SNX8: variants seen among roughly 807,000 people sequenced by gnomAD.
SNX8 encodes sorting nexin-8.
In SNX8, 25 loss-of-function variants were observed where a neutral mutation model predicts 51.6. The ratio of observed to expected loss-of-function variants is 0.48; its 90% CI spans 0.35 to 0.68. The LOEUF is 0.68. Ranked by LOEUF, SNX8 falls within the 30% of genes least tolerant of loss-of-function variation. The probability of loss-of-function intolerance (pLI) is 0.00; values close to 1 mark genes in which losing one functional copy is unlikely to be tolerated. For synonymous variants in SNX8, 324 were observed against 277.0 expected (o/e 1.17, Z -1.68); for missense variants, 695 against 624.0 (o/e 1.11, Z -1.21).
chr7:2,354,066 G>C (rs546154612), intron 1 of SNX8: 1 of 152,686 alleles, frequency 6.5e-6, no homozygotes, highest in East Asian at 1.9e-4. Context: ...CACGCGGCGA[G>C]GACCCGCCCC....
chr7:2,256,080 C>G (rs1032135633), intron 10 of SNX8, among the ~76,000 whole-genome samples: 4 of 152,244 alleles, frequency 2.6e-5, no homozygotes, highest in African/African-American at 9.6e-5. Context: ...TCACTGAGGA[C>G]ACACCCGGCC....
In SNX8 at chr7:2,275,111, C is replaced by T; in HGVS notation, c.418+1G>A. ...CCGGTGGGCAGCACGCCTGGCTTTA[C>T]CTCCCAGCATTCTCTTGGGTGGCAG... On this transcript the variant is annotated splice_donor_variant, in intron 3 of 10. Coordinates refer to ENST00000222990, the MANE Select transcript of SNX8 (RefSeq NM_013321.4). LOFTEE classifies it high-confidence loss of function. The T allele has an allele frequency of 6.2e-7, 1 of 1,607,230 alleles. No individual in the cohort carries two copies. Among genetic ancestry groups the T allele is most frequent in the Non-Finnish European group, 8.5e-7 (1 of 1,173,760 alleles).
At chr7:2,322,566 C>T (rs192539511) in intron 1 of SNX8, among the ~76,000 whole-genome samples, 13 of 152,134 alleles carry the variant, frequency 8.5e-5, no homozygotes, top group African/African-American at 2.7e-4. Flanking sequence ...TGGTGGCGCA[C>T]GCCTGTAATC....
upstream of SNX8, among the ~76,000 whole-genome samples, chr7:2,319,161 A>T (rs1002464980): frequency 7.3e-5 from 11 of 150,030 alleles, no homozygotes; most frequent in African/African-American, 2.7e-4. Context: ...CAACACAGGG[A>T]AACTCCGTCT....
At chr7:2,257,674 G>A (rs1261786840) in intron 8 of SNX8, 61 bp downstream of exon 8, 2 of 1,589,984 alleles carry the variant, frequency 1.3e-6, no homozygotes, top group East Asian at 2.2e-5. Flanking sequence ...TTAGACCCTT[G>A]AAGGATCCTA....
chr7:2,255,191 C>T (rs1414606520), intron 10 of SNX8, 22 bp from the exon 11 acceptor site: 2 of 1,452,730 alleles, frequency 1.4e-6, no homozygotes, highest in African/African-American at 2.8e-5. Flanking sequence ...GCGAAGAGAA[C>T]AAGATCAGCA....
rs1312250806 is a variant in SNX8 at position 2,251,883 on chromosome 7, T to C, written c.*3173A>G. On this transcript the variant is annotated 3_prime_UTR_variant, in exon 11 of 11. Transcript: ENST00000222990. Reference sequence around the variant, plus strand: ...GATCCCTGCAGCCTCCTAAAGTGCTTTGGACATGAACTGACCCGCAAAGCA... The same window carrying C: ...GATCCCTGCAGCCTCCTAAAGTGCTCTGGACATGAACTGACCCGCAAAGCA... 1 of 152,270 alleles carries C rather than the reference T, an allele frequency of 6.6e-6. No individual in the cohort carries two copies. The highest frequency in any genetic ancestry group is 1.5e-5 in the Non-Finnish European group (1 of 68,072). 9.4% of individuals were successfully genotyped at this position (152,270 alleles called of 1,614,324 possible).
Position 2,333,767 on chromosome 7 carries a change from T to C in SNX8, c.-66+20455A>G, listed in dbSNP as rs147882926. On this transcript the variant is annotated intron_variant, in intron 1 of 5. Coordinates refer to the SNX8 transcript ENST00000435336. Reference sequence around the variant, plus strand: ...CCTCATTGAATGAATCAATGTCGATTTGAAGAAAAAAATGAACCTCAATTC... The same window carrying C: ...CCTCATTGAATGAATCAATGTCGATCTGAAGAAAAAAATGAACCTCAATTC... Among the ~76,000 whole-genome samples the C allele has an allele frequency of 5.8e-3, 884 of 152,310 alleles. 9 individuals carry two copies. Among genetic ancestry groups the C allele is most frequent in the African/African-American group, 0.02 (843 of 41,562 alleles).
At position 2,254,841 on chromosome 7, in the gene SNX8, G is replaced by A. The variant is rs917221928; in HGVS notation, c.*215C>T. On this transcript the variant is annotated 3_prime_UTR_variant, in exon 11 of 11. Transcript: ENST00000222990. ...GAACCCCACCACCTCTCTCGACCAG[G>A]CTAGCAGGCCACAGGGCGAAGGACA... is the stretch of plus-strand genomic sequence containing the variant. 1.7e-6 allele frequency: 1 copy of A among 594,074 alleles called. No individual in the cohort carries two copies. The highest frequency in any genetic ancestry group is 2.8e-5 in the Admixed American group (1 of 35,382). 36.8% of individuals were successfully genotyped at this position (594,074 alleles called of 1,614,324 possible).
At position 2,276,309 on chromosome 7, in the gene SNX8, C is replaced by T. The variant is rs559061665; in HGVS notation, c.301-1080G>A. Reference sequence around the variant, plus strand: ...CATCCCACCAGCTGGTCCACATCCCCGACTGCGGCCCAGAGGGCCGGGAAC... The same window carrying T: ...CATCCCACCAGCTGGTCCACATCCCTGACTGCGGCCCAGAGGGCCGGGAAC... On this transcript the variant is annotated intron_variant, in intron 2 of 10. Coordinates refer to ENST00000222990, the MANE Select transcript of SNX8 (RefSeq NM_013321.4). 3.3e-5 allele frequency among the ~76,000 whole-genome samples: 5 copies of T among 152,356 alleles called. No individual in the cohort carries two copies. The South Asian group carries it at 6.2e-4, about 19-fold the overall frequency.
chr7:2,291,928 A>G (rs1219919536), intron 1 of SNX8, among the ~76,000 whole-genome samples: 1 of 152,268 alleles, frequency 6.6e-6, no homozygotes, highest in East Asian at 1.9e-4. Context: ...AGGTGCACCC[A>G]GAACACGTCT....
At chr7:2,258,273 C>T (rs536952706) in intron 7 of SNX8, among the ~76,000 whole-genome samples, 1 of 152,162 alleles carries the variant, frequency 6.6e-6, no homozygotes, top group Non-Finnish European at 1.5e-5. Flanking sequence ...GCCTCGGCCT[C>T]CCAAAGTGCT....
intron 1 of SNX8, among the ~76,000 whole-genome samples, chr7:2,345,425 C>G (rs889501110): frequency 2.0e-5 from 3 of 152,128 alleles, no homozygotes; most frequent in African/African-American, 7.2e-5. Flanking sequence ...TACTTGTAAT[C>G]CCAGCACTTT....
intron 3 of SNX8, 68 bp from the exon 4 acceptor site, chr7:2,272,039 G>C: frequency 6.3e-7 from 1 of 1,597,936 alleles, no homozygotes; most frequent in Non-Finnish European, 8.5e-7. Context: ...CTCTGGGCGA[G>C]TTCTCAAAAC....
Position 2,312,727 on chromosome 7 carries a change from C to G in SNX8, c.94+1601G>C, listed in dbSNP as rs141999928. Reference sequence around the variant, plus strand: ...CCTCCTCAGCGACACCTTGCCAGACCTCCCCACAAGGGGATTCCCCAATCT... The same window carrying G: ...CCTCCTCAGCGACACCTTGCCAGACGTCCCCACAAGGGGATTCCCCAATCT... On this transcript the variant is annotated intron_variant, in intron 1 of 10. Transcript: ENST00000222990. 8.1e-3 allele frequency among the ~76,000 whole-genome samples: 1,233 copies of G among 151,936 alleles called. 17 individuals carry two copies. Among genetic ancestry groups the G allele is most frequent in the African/African-American group, 0.028 (1,170 of 41,292 alleles).
At chr7:2,294,834 G>A (rs771973469) in intron 1 of SNX8, among the ~76,000 whole-genome samples, 21 of 151,932 alleles carry the variant, frequency 1.4e-4, no homozygotes, top group Non-Finnish European at 2.8e-4. Context: ...AGGAGCTGGA[G>A]ACCAGCCCGG....
chr7:2,295,659 T>A (rs1391440278), intron 1 of SNX8, among the ~76,000 whole-genome samples: 1 of 149,722 alleles, frequency 6.7e-6, no homozygotes, highest in Admixed American at 6.7e-5. Context: ...TGGGCATAAA[T>A]TCTTTGCCTT....
chr7:2,282,938 G>A (rs1215933493), intron 1 of SNX8, among the ~76,000 whole-genome samples: 1 of 152,034 alleles, frequency 6.6e-6, no homozygotes, highest in African/African-American at 2.4e-5. Context: ...TGGCTAACAT[G>A]GTGAAACCCC....
intron 1 of SNX8, among the ~76,000 whole-genome samples, chr7:2,325,469 CACAA>C (rs1242534106): frequency 1.2e-4 from 19 of 152,098 alleles, no homozygotes; most frequent in African/African-American, 3.9e-4. Context: ...CCTAAATGGT[CACAA>C]ACAGACTCTT....
Sources: allele counts gnomAD v4.1 joint callset (sites outside exome capture counted in the v4.1 genomes callset), GRCh38; gene constraint gnomAD v4.1.1; transcripts MANE v1.5; gene names NCBI Gene and HGNC (gene_info 2026-07-23, HGNC 2026-07-21).